LAMA2: variants seen among roughly 807,000 people sequenced by gnomAD.
The protein encoded by LAMA2 is laminin subunit alpha-2.
In LAMA2, 269 loss-of-function variants were observed where a neutral mutation model predicts 364.8. The ratio of observed to expected loss-of-function variants is 0.74; its 90% CI spans 0.67 to 0.82. LAMA2 has a LOEUF of 0.82. LAMA2 is among the 40% of genes least tolerant of loss of function. The pLI is 0.00. For synonymous variants in LAMA2, 1,379 were observed against 1,370.6 expected (o/e 1.01, Z -0.14); for missense variants, 3,807 against 3,873.2 (o/e 0.98, Z 0.45).
intron 4 of LAMA2, among the ~76,000 whole-genome samples, chr6:129,115,462 T>C (rs1031232103): frequency 2.0e-5 from 3 of 152,112 alleles, no homozygotes; most frequent in Non-Finnish European, 4.4e-5. Flanking sequence ...AGAATACTTC[T>C]GTAAGAAATG....
At chr6:129,277,851 G>A (rs1788437954) in intron 17 of LAMA2, among the ~76,000 whole-genome samples, 1 of 152,064 alleles carries the variant, frequency 6.6e-6, no homozygotes, top group Non-Finnish European at 1.5e-5. Context: ...TACTTATGTT[G>A]GTTTTAACTG....
chr6:128,977,849 C>T (rs1291261791), intron 1 of LAMA2, among the ~76,000 whole-genome samples: 5 of 151,820 alleles, frequency 3.3e-5, no homozygotes, highest in Admixed American at 2.6e-4. Context: ...TTTTTTTTCT[C>T]TTGTTTGCCT....
At chr6:129,213,259 T>C (rs1783211539) in intron 12 of LAMA2, among the ~76,000 whole-genome samples, 1 of 152,198 alleles carries the variant, frequency 6.6e-6, no homozygotes, top group Non-Finnish European at 1.5e-5. Flanking sequence ...ATAACCACAG[T>C]TGAATTATCC....
intron 1 of LAMA2, among the ~76,000 whole-genome samples, chr6:128,966,605 A>G (rs1440602298): frequency 1.4e-5 from 2 of 147,418 alleles, no homozygotes; most frequent in Non-Finnish European, 3.0e-5. Context: ...TATAAAGGCC[A>G]CATTTAGCTG....
intron 43 of LAMA2, chr6:129,442,817 G>T (rs745450936): frequency 3.7e-5 from 19 of 516,790 alleles, no homozygotes; most frequent in South Asian, 3.4e-4. Flanking sequence ...AATTAAATTG[G>T]GTCTGTTTTC....
At chr6:129,479,918 A>G (rs1193642625) in intron 54 of LAMA2, 1 of 152,146 alleles carries the variant, frequency 6.6e-6, no homozygotes, top group African/African-American at 2.4e-5. Context: ...AAGGACCCAT[A>G]CTGGCTTCTT....
intron 1 of LAMA2, among the ~76,000 whole-genome samples, chr6:128,895,274 ACTAT>A (rs1582619255): frequency 6.6e-6 from 1 of 152,054 alleles, no homozygotes; most frequent in Non-Finnish European, 1.5e-5. Context: ...ACTTGCCCAA[ACTAT>A]AGTAGAGATA....
chr6:129,285,954 A>G (rs2114409597), intron 18 of LAMA2, among the ~76,000 whole-genome samples: 2 of 152,282 alleles, frequency 1.3e-5, no homozygotes, highest in Admixed American at 1.3e-4. Flanking sequence ...AAAACATCAA[A>G]TCTATGAATT....
chr6:128,989,610 A>C (rs1481853012), intron 1 of LAMA2, among the ~76,000 whole-genome samples: 2 of 152,330 alleles, frequency 1.3e-5, no homozygotes, highest in East Asian at 1.9e-4. Flanking sequence ...AGGGCTTGGC[A>C]CATAGTAGGT....
At chr6:129,445,933 T>C in intron 45 of LAMA2, 112 bp downstream of exon 45, 1 of 1,099,866 alleles carries the variant, frequency 9.1e-7, no homozygotes, top group African/African-American at 1.6e-5. Flanking sequence ...TCCTTTTCCT[T>C]TAACTCGAAG....
intron 17 of LAMA2, among the ~76,000 whole-genome samples, chr6:129,278,589 T>C (rs965693093): frequency 1.3e-5 from 2 of 152,186 alleles, no homozygotes; most frequent in Non-Finnish European, 2.9e-5. Context: ...GAACTGTCTT[T>C]GGGTCATGCG....
intron 28 of LAMA2, among the ~76,000 whole-genome samples, chr6:129,323,313 T>G (rs182057446): frequency 6.6e-6 from 1 of 152,308 alleles, no homozygotes; most frequent in East Asian, 1.9e-4. Flanking sequence ...TGTATAGTAT[T>G]CTAGAGACAT....
At position 129,393,253 on chromosome 6, in the gene LAMA2, G is replaced by C. The variant is rs1554287445; in HGVS notation, c.5443G>C (p.Glu1815Gln). 1 of 1,611,078 alleles carries C rather than the reference G, an allele frequency of 6.2e-7. No homozygotes were observed. Among genetic ancestry groups the C allele is most frequent in the Non-Finnish European group, 8.5e-7 (1 of 1,177,344 alleles). The change falls in exon 37 of 65, where the codon GAG becomes CAG. Residue 1815 changes from glutamate to glutamine, a missense_variant and splice_region_variant. This residue lies in a region of LAMA2 where 3,333 missense variants were observed against 3,345.7 expected (regional missense o/e 1.00). Transcript: ENST00000421865. Reference protein sequence around the residue: ...AVNQKNMTALEKKKEAVESGK... With the variant: ...AVNQKNMTALQKKKEAVESGK... ...AAATCAGAAAAACATGACTGCATTG[G>C]AGGTGAGTCTTAGGGGCACTTTTAT...
At chr6:129,366,861 C>T (rs1777806950) in intron 33 of LAMA2, among the ~76,000 whole-genome samples, 1 of 152,172 alleles carries the variant, frequency 6.6e-6, no homozygotes, top group Admixed American at 6.5e-5. Context: ...AACCAGAGAG[C>T]CCCCTACAAA....
intron 2 of LAMA2, among the ~76,000 whole-genome samples, chr6:129,055,547 T>TGATACTAG (rs1267093568): frequency 3.3e-5 from 5 of 152,124 alleles, no homozygotes; most frequent in Non-Finnish European, 7.3e-5. Context: ...GATTATGCTT[T>TGATACTAG]GATACTAGAA....
chr6:128,934,835 G>T (rs1473212007), intron 1 of LAMA2, among the ~76,000 whole-genome samples: 1 of 152,034 alleles, frequency 6.6e-6, no homozygotes, highest in Non-Finnish European at 1.5e-5. Flanking sequence ...CTAAAAAATT[G>T]CCATTGAAAT....
chr6:129,117,250 T>A (rs1321770103), intron 4 of LAMA2, among the ~76,000 whole-genome samples: 1 of 152,192 alleles, frequency 6.6e-6, no homozygotes, highest in Non-Finnish European at 1.5e-5. Context: ...AGTAAAAGGA[T>A]TTCAAGCATC....
At position 129,328,407 on chromosome 6, in the gene LAMA2, T is replaced by A. The variant is rs755182290; in HGVS notation, c.4306T>A (p.Cys1436Ser). 10 of 1,614,070 alleles carry A rather than the reference T, an allele frequency of 6.2e-6. No homozygotes were observed. Among genetic ancestry groups the A allele is most frequent in the African/African-American group, 1.3e-5 (1 of 74,932 alleles). Residue 1436 changes from cysteine (C) to serine (S), a missense_variant, in exon 29 of 65, where the codon TGC becomes AGC. Physicochemically the swap from Cys to Ser is moderately radical, Grantham distance 112. Coordinates refer to ENST00000421865, the MANE Select transcript of LAMA2 (RefSeq NM_000426.4). ...CCTGTGTGACCCTGAAACATCGATA[T>A]GCCAGGTAGTCCTCTGAGCCTTCCT... ...SSLCDPETSI[C>S]QNCQHHTAGD...
At chr6:129,377,307 TAA>T (rs1242116210) in intron 34 of LAMA2, among the ~76,000 whole-genome samples, 4 of 152,080 alleles carry the variant, frequency 2.6e-5, no homozygotes, top group Admixed American at 1.3e-4. Flanking sequence ...GCCAATATTA[TAA>T]GTTTACAAGA....
Sources: gnomAD v4.1 joint callset for allele counts (sites outside exome capture counted in the v4.1 genomes callset) on GRCh38, gnomAD v4.1.1 for gene constraint, gnomAD v4.1.1 regional missense constraint, MANE v1.5 for transcripts, NCBI Gene and HGNC (gene_info 2026-07-23, HGNC 2026-07-21) for gene names.